Variants in FAM83B observed in about 807,000 individuals in gnomAD.
FAM83B encodes the protein scaffolding CK1 anchoring protein B.
Under a neutral mutation model 38.8 loss-of-function variants are expected in FAM83B, and 26 were observed. The observed-to-expected ratio is 0.67, with a 90% CI of 0.49 to 0.93. FAM83B has a LOEUF of 0.93. Ranked by LOEUF, FAM83B falls within the 40% of genes least tolerant of loss-of-function variation. The probability of loss-of-function intolerance (pLI) is 0.00; values close to 1 mark genes in which losing one functional copy is unlikely to be tolerated. For missense variants in FAM83B, 1,237 were observed against 1,197.3 expected (o/e 1.03, Z -0.49); for synonymous variants, 419 against 423.1 (o/e 0.99, Z 0.12).
At chr6:54,937,306 T>C (rs1773542949) in intron 4 of FAM83B, among the ~76,000 whole-genome samples, 1 of 152,176 alleles carries the variant, frequency 6.6e-6, no homozygotes, top group African/African-American at 2.4e-5. Flanking sequence ...CTGTTACCTC[T>C]AAACTCTAGG....
intron 4 of FAM83B, among the ~76,000 whole-genome samples, chr6:54,930,161 A>T (rs1364643073): frequency 1.3e-5 from 2 of 152,120 alleles, no homozygotes; most frequent in African/African-American, 2.4e-5. Flanking sequence ...GGTCTACATT[A>T]TTGAAATTGT....
At chr6:54,883,257 A>T (rs1772179120) in intron 2 of FAM83B, among the ~76,000 whole-genome samples, 1 of 149,806 alleles carries the variant, frequency 6.7e-6, no homozygotes, top group Admixed American at 6.7e-5. Context: ...TTGTCATTTT[A>T]TACCTGTTCT....
intron 1 of FAM83B, among the ~76,000 whole-genome samples, chr6:54,855,572 C>T (rs1771428177): frequency 6.6e-6 from 1 of 152,156 alleles, no homozygotes; most frequent in South Asian, 2.1e-4. Context: ...GGTCTTCAAA[C>T]TATTTGAAAT....
intron 4 of FAM83B, among the ~76,000 whole-genome samples, chr6:54,930,325 C>T (rs1256472622): frequency 6.6e-6 from 1 of 152,044 alleles, no homozygotes; most frequent in Non-Finnish European, 1.5e-5. Flanking sequence ...TTTTGCAGCA[C>T]ATGAATGATT....
intron 4 of FAM83B, 62 bp downstream of exon 4, chr6:54,927,694 T>G (rs967261468): frequency 9.2e-7 from 1 of 1,084,796 alleles, no homozygotes; most frequent in Non-Finnish European, 1.2e-6. Flanking sequence ...TAGTTTCAAA[T>G]TTTAATATAA....
At chr6:54,859,170 C>T (rs1173820913) in intron 1 of FAM83B, among the ~76,000 whole-genome samples, 1 of 151,752 alleles carries the variant, frequency 6.6e-6, no homozygotes, top group Non-Finnish European at 1.5e-5. Context: ...AAGCGATTCT[C>T]CCTGCCGCAG....
At chr6:54,917,780 A>G (rs1439682068) in intron 2 of FAM83B, among the ~76,000 whole-genome samples, 1 of 152,182 alleles carries the variant, frequency 6.6e-6, no homozygotes, top group Non-Finnish European at 1.5e-5. Context: ...AAGTAGAAAA[A>G]GGTTTATTAC....
At chr6:54,906,601 T>G (rs1772781679) in intron 2 of FAM83B, among the ~76,000 whole-genome samples, 1 of 152,152 alleles carries the variant, frequency 6.6e-6, no homozygotes, top group Non-Finnish European at 1.5e-5. Context: ...GCCAGGCTGG[T>G]CTTTCATTCC....
intron 1 of FAM83B, among the ~76,000 whole-genome samples, chr6:54,869,072 G>A (rs73742853): frequency 0.026 from 3,948 of 152,288 alleles, 196 homozygotes; most frequent in African/African-American, 0.087. Flanking sequence ...CACACAGTGT[G>A]GAGTAGTGAC....
chr6:54,903,279 G>A (rs1772703664), intron 2 of FAM83B, among the ~76,000 whole-genome samples: 1 of 152,160 alleles, frequency 6.6e-6, no homozygotes, highest in Admixed American at 6.5e-5. Flanking sequence ...ACATATCTCT[G>A]TATATTTGAA....
At chr6:54,868,036 T>G (rs1771759488) in intron 1 of FAM83B, among the ~76,000 whole-genome samples, 1 of 152,150 alleles carries the variant, frequency 6.6e-6, no homozygotes. Flanking sequence ...CTTAGGAAAC[T>G]GTAAGCATAA....
Position 54,888,299 on chromosome 6 carries a change from A to G in FAM83B, c.444+17609A>G, listed in dbSNP as rs575938131. 2.6e-5 allele frequency among the ~76,000 whole-genome samples: 4 copies of G among 151,900 alleles called. No homozygotes were observed. The South Asian group carries it at 8.3e-4, about 31-fold the overall frequency. On this transcript the variant is annotated intron_variant, in intron 2 of 4. Transcript: ENST00000306858. Reference sequence around the variant, plus strand: ...TTATTGTTTTAAGTTATCAATATTCATTAGTTATATATACATATTCACTTT... The same window carrying G: ...TTATTGTTTTAAGTTATCAATATTCGTTAGTTATATATACATATTCACTTT...
At chr6:54,860,764 C>A (rs1296253065) in intron 1 of FAM83B, among the ~76,000 whole-genome samples, 1 of 152,196 alleles carries the variant, frequency 6.6e-6, no homozygotes, top group African/African-American at 2.4e-5. Flanking sequence ...ATAATCGTAT[C>A]ACACCCCATA....
In FAM83B at chr6:54,942,124, G is replaced by T; in HGVS notation, c.*117G>T. ...ACAGAATTATGGGTATGATGTATAT[G>T]TTCACCAGTGTCCTAGTATAAAGTT... On this transcript the variant is annotated 3_prime_UTR_variant, in exon 5 of 5. Coordinates refer to ENST00000306858, the MANE Select transcript of FAM83B (RefSeq NM_001010872.3). 1 of 991,540 alleles carries T rather than the reference G, an allele frequency of 1.0e-6. No individual in the cohort carries two copies. Among genetic ancestry groups the T allele is most frequent in the Non-Finnish European group, 1.5e-6 (1 of 684,012 alleles). 61.4% of individuals were successfully genotyped at this position (991,540 alleles called of 1,614,324 possible).
intron 1 of FAM83B, among the ~76,000 whole-genome samples, chr6:54,864,592 A>G (rs1771658290): frequency 6.6e-6 from 1 of 152,224 alleles, no homozygotes; most frequent in South Asian, 2.1e-4. Flanking sequence ...TTGGATGTCA[A>G]CATGAGATAT....
At chr6:54,864,406 C>T (rs1202908224) in intron 1 of FAM83B, among the ~76,000 whole-genome samples, 1 of 152,158 alleles carries the variant, frequency 6.6e-6, no homozygotes, top group East Asian at 1.9e-4. Context: ...GGTGATTCTA[C>T]TGGTAATCCA....
At position 54,940,424 on chromosome 6, in the gene FAM83B, G is replaced by T; in HGVS notation, c.1453G>T (p.Glu485Ter). ...RFLQQRMPTL[E>*]HTTKSFLRNW... The stretch of plus-strand genomic sequence containing the variant: ...TTTGCAACAACGAATGCCAACCCTT[G>T]AACATACCACAAAGTCATTCCTACG... Residue 485 changes from glutamate (E) to a stop codon, truncating the protein, a stop_gained, in exon 5 of 5, where the codon GAA becomes TAA. Transcript: ENST00000306858. LOFTEE classifies it low-confidence loss of function (END_TRUNC). 6.2e-7 allele frequency: 1 copy of T among 1,613,968 alleles called. No individual in the cohort carries two copies. Among genetic ancestry groups the T allele is most frequent in the South Asian group, 1.1e-5 (1 of 91,062 alleles).
At chr6:54,899,222 GCT>G (rs1285660388) in intron 2 of FAM83B, among the ~76,000 whole-genome samples, 2 of 152,090 alleles carry the variant, frequency 1.3e-5, no homozygotes, top group Admixed American at 6.6e-5. Flanking sequence ...AATTGAAAAG[GCT>G]CTATTATTTT....
chr6:54,888,858 C>T (rs1772339344), intron 2 of FAM83B, among the ~76,000 whole-genome samples: 1 of 151,894 alleles, frequency 6.6e-6, no homozygotes, highest in African/African-American at 2.4e-5. Flanking sequence ...TTCTCTTCTT[C>T]TAGGAATTCT....
Sources: gnomAD v4.1 joint callset for allele counts (sites outside exome capture counted in the v4.1 genomes callset) on GRCh38, gnomAD v4.1.1 for gene constraint, MANE v1.5 for transcripts, NCBI Gene and HGNC (gene_info 2026-07-23, HGNC 2026-07-21) for gene names.